Variants in GPAT4 observed in about 807,000 individuals in gnomAD.
GPAT4 encodes the protein 1-AGP acyltransferase 6.
A neutral mutation model predicts 58.0 loss-of-function variants in GPAT4; 17 were observed. That is an observed-to-expected ratio of 0.29 (90% CI 0.20 to 0.44). The LOEUF (loss-of-function observed/expected upper bound fraction) is 0.44, where lower values mean the gene tolerates loss of function less well. Among genes scored for constraint, GPAT4 ranks in the 20% least tolerant of loss-of-function variants. The pLI is 1.00. For missense variants in GPAT4, 377 were observed against 574.5 expected (o/e 0.66, Z 3.51); for synonymous variants, 204 against 210.1 (o/e 0.97, Z 0.25).
chr8:41,614,915 G>T (rs375700713), intron 9 of GPAT4, 48 bp from the exon 10 acceptor site: 6 of 1,494,694 alleles, frequency 4.0e-6, no homozygotes, highest in Non-Finnish European at 4.7e-6. Context: ...CTAATATCTG[G>T]GGTAAAGGGC....
intron 2 of GPAT4, among the ~76,000 whole-genome samples, chr8:41,602,381 A>T (rs2150494946): frequency 6.6e-6 from 1 of 152,312 alleles, no homozygotes; most frequent in South Asian, 2.1e-4. Context: ...CCAGCCACCG[A>T]AAGGGTTGTA....
At chr8:41,612,053 T>C in intron 6 of GPAT4, 61 bp downstream of exon 6, 2 of 1,597,804 alleles carry the variant, frequency 1.3e-6, no homozygotes, top group Non-Finnish European at 1.7e-6. Context: ...CACCCACCTA[T>C]ACTTAGCCAA....
rs538733140 is a variant in GPAT4, at chr8:41,606,714, G to C, written c.166-2702G>C. Among the ~76,000 whole-genome samples, 37 of 152,264 alleles carry C rather than the reference G, an allele frequency of 2.4e-4. No individual in the cohort carries two copies. In the South Asian group the frequency reaches 4.1e-3, roughly 17 times the overall value. ...GCATGGCCAAAAAACAGGCTATGGCGGTAAATCAGGTGGCAGTAGGTAACA... is the reference window on the plus strand; with the variant it reads ...GCATGGCCAAAAAACAGGCTATGGCCGTAAATCAGGTGGCAGTAGGTAACA... On this transcript the variant is annotated intron_variant, in intron 2 of 12. Transcript: ENST00000396987.
intron 1 of GPAT4, among the ~76,000 whole-genome samples, chr8:41,587,733 C>T (rs1802693539): frequency 6.6e-6 from 1 of 152,192 alleles, no homozygotes; most frequent in Admixed American, 6.5e-5. Context: ...GTAAAAAAAT[C>T]ACCCTTGGTT....
intron 5 of GPAT4, among the ~76,000 whole-genome samples, chr8:41,611,281 T>G (rs938849731): frequency 5.9e-5 from 9 of 152,344 alleles, no homozygotes; most frequent in African/African-American, 2.2e-4. Context: ...TCTTTACTTT[T>G]TTTAAATTTT....
chr8:41,582,743 T>A (rs1802557555), intron 1 of GPAT4, among the ~76,000 whole-genome samples: 1 of 152,034 alleles, frequency 6.6e-6, no homozygotes, highest in South Asian at 2.1e-4. Context: ...TGTAAAATTA[T>A]GTATCAATTT....
chr8:41,602,530 G>A (rs1424647117), intron 2 of GPAT4, among the ~76,000 whole-genome samples: 1 of 151,986 alleles, frequency 6.6e-6, no homozygotes, highest in Non-Finnish European at 1.5e-5. Flanking sequence ...TTCACCCTCT[G>A]TTACTGCTCT....
At chr8:41,613,929 TAAG>T (rs1803519657) in intron 8 of GPAT4, among the ~76,000 whole-genome samples, 1 of 152,060 alleles carries the variant, frequency 6.6e-6, no homozygotes, top group Non-Finnish European at 1.5e-5. Flanking sequence ...AAATAACACA[TAAG>T]AAAAGACAGT....
At chr8:41,578,677 C>T (rs1802430119) in intron 1 of GPAT4, 1 of 152,314 alleles carries the variant, frequency 6.6e-6, no homozygotes, top group Non-Finnish European at 1.5e-5. Flanking sequence ...TGTCATTCCC[C>T]TTCCTGTGTT....
intron 2 of GPAT4, among the ~76,000 whole-genome samples, chr8:41,609,072 C>T (rs1018326173): frequency 3.3e-5 from 5 of 152,184 alleles, no homozygotes; most frequent in Non-Finnish European, 5.9e-5. Flanking sequence ...AGCTGCCGTG[C>T]GGCAGTGCAG....
intron 1 of GPAT4, among the ~76,000 whole-genome samples, chr8:41,590,646 A>G (rs1166307796): frequency 6.6e-6 from 1 of 152,216 alleles, no homozygotes; most frequent in Non-Finnish European, 1.5e-5. Flanking sequence ...TGTTGTAAGC[A>G]CTCAGTCAAT....
intron 1 of GPAT4, among the ~76,000 whole-genome samples, chr8:41,579,601 G>A (rs1802457109): frequency 6.6e-6 from 1 of 152,336 alleles, no homozygotes; most frequent in East Asian, 1.9e-4. Flanking sequence ...ACTTTGGGAG[G>A]CCGAGGCGGG....
intron 1 of GPAT4, among the ~76,000 whole-genome samples, chr8:41,583,073 A>G (rs148281739): frequency 1.8e-4 from 28 of 152,186 alleles, no homozygotes; most frequent in Non-Finnish European, 1.6e-4. Context: ...AAATACAAAA[A>G]AAACTAGCCG....
At chr8:41,606,677 T>C (rs762213285) in intron 2 of GPAT4, among the ~76,000 whole-genome samples, 2 of 152,110 alleles carry the variant, frequency 1.3e-5, no homozygotes, top group African/African-American at 2.4e-5. Context: ...ACAGAAACAG[T>C]GGGGGCTCCG....
chr8:41,608,065 A>G (rs1803333517), intron 2 of GPAT4, among the ~76,000 whole-genome samples: 1 of 152,236 alleles, frequency 6.6e-6, no homozygotes, highest in Non-Finnish European at 1.5e-5. Flanking sequence ...TTAGAGCCAA[A>G]AGACATCAAT....
At chr8:41,593,625 C>T (rs947815349) in intron 1 of GPAT4, among the ~76,000 whole-genome samples, 8 of 152,092 alleles carry the variant, frequency 5.3e-5, no homozygotes, top group Admixed American at 1.3e-4. Context: ...TTTTGCTGTA[C>T]GAACAGCAGT....
chr8:41,600,560 G>A (rs563503992), intron 2 of GPAT4, among the ~76,000 whole-genome samples: 4 of 150,856 alleles, frequency 2.7e-5, no homozygotes, highest in East Asian at 1.9e-4. Context: ...TTCTTTTTTG[G>A]TACTTAGTAT....
intron 1 of GPAT4, among the ~76,000 whole-genome samples, chr8:41,594,521 T>C (rs1409594460): frequency 2.0e-5 from 3 of 151,830 alleles, no homozygotes; most frequent in African/African-American, 7.3e-5. Context: ...CTTCGATATG[T>C]CTCAACTTTC....
At chr8:41,582,587 T>A (rs1271183299) in intron 1 of GPAT4, among the ~76,000 whole-genome samples, 2 of 152,106 alleles carry the variant, frequency 1.3e-5, no homozygotes, top group Non-Finnish European at 2.9e-5. Context: ...TACACAATTT[T>A]AAATTTTATA....
Sources: allele counts gnomAD v4.1 joint callset (sites outside exome capture counted in the v4.1 genomes callset), GRCh38; gene constraint gnomAD v4.1.1; transcripts MANE v1.5; gene names NCBI Gene and HGNC (gene_info 2026-07-23, HGNC 2026-07-21).